The following TAOK3 variants were observed in gnomAD, a reference collection of about 807,000 sequenced individuals.
TAOK3 encodes serine/threonine-protein kinase TAO3.
TAOK3 carries 40 observed loss-of-function variants against 120.4 expected under a neutral mutation model. The ratio of observed to expected loss-of-function variants is 0.33; its 90% CI spans 0.26 to 0.43. The LOEUF is 0.43. TAOK3 is among the 20% of genes least tolerant of loss of function. TAOK3 has a pLI of 1.00. For missense variants in TAOK3, 821 were observed against 1,112.1 expected (o/e 0.74, Z 3.72); for synonymous variants, 355 against 387.5 (o/e 0.92, Z 0.99).
At chr12:118,183,032 C>T (rs1032704755) in intron 14 of TAOK3, among the ~76,000 whole-genome samples, 2 of 151,592 alleles carry the variant, frequency 1.3e-5, no homozygotes, top group African/African-American at 4.9e-5. Flanking sequence ...CCTATTTTTC[C>T]TATTTTAGAA....
chr12:118,213,221 A>C (rs2038717957), intron 10 of TAOK3, among the ~76,000 whole-genome samples: 1 of 152,322 alleles, frequency 6.6e-6, no homozygotes, highest in East Asian at 1.9e-4. Context: ...ATACATCTTA[A>C]TATATAAGGA....
chr12:118,287,025 CA>C (rs1279765226), intron 1 of TAOK3, among the ~76,000 whole-genome samples: 5 of 151,956 alleles, frequency 3.3e-5, no homozygotes, highest in African/African-American at 1.2e-4. Context: ...TAAGAGGATG[CA>C]AAAGCATAAG....
rs1186306664 is a variant in TAOK3 at position 118,372,491 on chromosome 12, C to T, written c.-194+157G>A. ...ACTCAGAGCCACTGCCTCGGTCCCT[C>T]TCGGAGTCCCCTCTCCTCACCCGCT... On this transcript the variant is annotated intron_variant, in intron 1 of 20. Coordinates refer to ENST00000392533, the MANE Select transcript of TAOK3 (RefSeq NM_016281.4). The surrounding 1 kb of genome is among the most constrained non-coding windows in gnomAD (Gnocchi z 4.6). Among the ~76,000 whole-genome samples the T allele has an allele frequency of 1.3e-5, 2 of 151,666 alleles. No individual in the cohort carries two copies. The highest frequency in any genetic ancestry group is 6.6e-5 in the Admixed American group (1 of 15,256).
At chr12:118,343,696 G>A (rs977573908) in intron 1 of TAOK3, among the ~76,000 whole-genome samples, 1 of 152,044 alleles carries the variant, frequency 6.6e-6, no homozygotes, top group African/African-American at 2.4e-5. Context: ...TTTAATTTTT[G>A]TTAACTCTAT....
chr12:118,256,945 G>T (rs1370561071), intron 2 of TAOK3, among the ~76,000 whole-genome samples: 1 of 152,062 alleles, frequency 6.6e-6, no homozygotes, highest in Non-Finnish European at 1.5e-5. Context: ...AATTCATTTT[G>T]GTGTAATTAA....
In TAOK3 at chr12:118,371,359, ACT is replaced by A. The variant is rs2045885828; in HGVS notation, c.-194+1287_-194+1288del. Among the ~76,000 whole-genome samples, 1 of 151,952 alleles carries A rather than the reference ACT, an allele frequency of 6.6e-6. No homozygotes were observed. The highest frequency in any genetic ancestry group is 1.5e-5 in the Non-Finnish European group (1 of 67,984). ...CTCGCTTTCAAGACATCCACATCAGACTCTAAGGAACGAATGCGAAGCCAGCG... is the reference window on the plus strand; with the variant it reads ...CTCGCTTTCAAGACATCCACATCAGACTAAGGAACGAATGCGAAGCCAGCG... On this transcript the variant is annotated intron_variant, in intron 1 of 20. Transcript: ENST00000392533. The surrounding 1 kb of genome is among the most constrained non-coding windows in gnomAD (Gnocchi z 5.5).
intron 1 of TAOK3, among the ~76,000 whole-genome samples, chr12:118,291,574 C>T (rs1169764518): frequency 6.6e-6 from 1 of 152,150 alleles, no homozygotes; most frequent in African/African-American, 2.4e-5. Flanking sequence ...TTACTTAAAA[C>T]TAACCTGACC....
intron 1 of TAOK3, among the ~76,000 whole-genome samples, chr12:118,352,078 T>C (rs1022521846): frequency 3.3e-5 from 5 of 151,140 alleles, no homozygotes; most frequent in Non-Finnish European, 5.9e-5. Flanking sequence ...TTCACCGTGT[T>C]AGCCAAGATG....
At chr12:118,334,057 C>A (rs1488245881) in intron 1 of TAOK3, among the ~76,000 whole-genome samples, 1 of 150,046 alleles carries the variant, frequency 6.7e-6, no homozygotes, top group East Asian at 2.0e-4. Context: ...ATCGCTTGAA[C>A]CCAGAAGGCA....
chr12:118,269,018 A>G (rs2041581018), intron 1 of TAOK3, among the ~76,000 whole-genome samples: 1 of 152,196 alleles, frequency 6.6e-6, no homozygotes, highest in African/African-American at 2.4e-5. Context: ...AGAAGAAAGA[A>G]AAGAAAAGAA....
At position 118,210,331 on chromosome 12, in the gene TAOK3, T is replaced by A. The variant is rs571203763; in HGVS notation, c.819+2583A>T. Among the ~76,000 whole-genome samples, 47 of 152,310 alleles carry A rather than the reference T, an allele frequency of 3.1e-4. 1 individual carries two copies. The highest frequency in any genetic ancestry group is 1.1e-3 in the African/African-American group (47 of 41,566). ...TCGAAGATGTCAGCTGCCTTTATAATTTAAGAACATCTTGGCTGGCTCACA... is the reference window on the plus strand; with the variant it reads ...TCGAAGATGTCAGCTGCCTTTATAAATTAAGAACATCTTGGCTGGCTCACA... On this transcript the variant is annotated intron_variant, in intron 11 of 20. Coordinates refer to ENST00000392533, the MANE Select transcript of TAOK3 (RefSeq NM_016281.4).
chr12:118,302,342 C>T (rs2042912279), intron 1 of TAOK3, among the ~76,000 whole-genome samples: 1 of 152,232 alleles, frequency 6.6e-6, no homozygotes, highest in African/African-American at 2.4e-5. Context: ...CTCTTGTCCA[C>T]TGCTGAAGGC....
intron 1 of TAOK3, among the ~76,000 whole-genome samples, chr12:118,361,768 T>C (rs2045606280): frequency 6.6e-6 from 1 of 151,608 alleles, no homozygotes; most frequent in Admixed American, 6.6e-5. Flanking sequence ...TAGGATTTTA[T>C]TTCCTTATTA....
intron 11 of TAOK3, among the ~76,000 whole-genome samples, chr12:118,202,734 C>G (rs1593143158): frequency 6.7e-6 from 1 of 149,254 alleles, no homozygotes; most frequent in Non-Finnish European, 1.5e-5. Context: ...AAATCTGAAA[C>G]TACATAATAA....
At chr12:118,242,295 T>C (rs1309380331) in intron 5 of TAOK3, among the ~76,000 whole-genome samples, 1 of 152,160 alleles carries the variant, frequency 6.6e-6, no homozygotes, top group African/African-American at 2.4e-5. Context: ...ATTTCTTATT[T>C]TCAGAATGGA....
chr12:118,348,454 C>CTTTT (rs1168127251), intron 1 of TAOK3, among the ~76,000 whole-genome samples: 1 of 145,212 alleles, frequency 6.9e-6, no homozygotes. Context: ...TTCTTTCTTT[C>CTTTT]TTTTTTTTTT....
chr12:118,269,566 C>T (rs2041614259), intron 1 of TAOK3, among the ~76,000 whole-genome samples: 3 of 151,724 alleles, frequency 2.0e-5, no homozygotes, highest in South Asian at 4.2e-4. Flanking sequence ...GATGGGGTTT[C>T]GTTATATTGG....
intron 17 of TAOK3, among the ~76,000 whole-genome samples, chr12:118,171,858 G>C (rs1388798739): frequency 6.6e-6 from 1 of 152,130 alleles, no homozygotes; most frequent in Non-Finnish European, 1.5e-5. Flanking sequence ...TTCATCAATA[G>C]CAGAGTCATC....
At position 118,152,405 on chromosome 12, in the gene TAOK3, C is replaced by T. The variant is rs186736465; in HGVS notation, c.2357G>A (p.Arg786Gln). Residue 786 changes from arginine to glutamine, a missense_variant, in exon 20 of 21, where the codon CGG becomes CAG. This residue lies in a region of TAOK3 where 354 missense variants were observed against 572.1 expected (regional missense o/e 0.62). Coordinates refer to ENST00000392533, the MANE Select transcript of TAOK3 (RefSeq NM_016281.4). ...TTCTGCTTCTTGAGCCTCATCTAGCCGTAACTGCGGACACAGAAGACACAC... is the reference window on the plus strand; with the variant it reads ...TTCTGCTTCTTGAGCCTCATCTAGCTGTAACTGCGGACACAGAAGACACAC... ...INEMMASQALRLDEAQEAECQ... is the reference protein window; with the variant it reads ...INEMMASQALQLDEAQEAECQ... 17 of 1,610,164 alleles carry T rather than the reference C, an allele frequency of 1.1e-5. No individual in the cohort carries two copies. In the Middle Eastern group the frequency reaches 5.0e-4, roughly 47 times the overall value.
Sources: gnomAD v4.1 joint callset for allele counts (sites outside exome capture counted in the v4.1 genomes callset) on GRCh38, gnomAD v4.1.1 for gene constraint, gnomAD v4.1.1 regional missense constraint, Gnocchi (gnomAD v3.1) non-coding constraint, MANE v1.5 for transcripts, NCBI Gene and HGNC (gene_info 2026-07-23, HGNC 2026-07-21) for gene names.